Variants in DOK6 observed in about 807,000 individuals in gnomAD.
The protein encoded by DOK6 is docking protein 6.
In DOK6, 22 loss-of-function variants were observed where a neutral mutation model predicts 44.0. That is an observed-to-expected ratio of 0.50 (90% confidence interval 0.36 to 0.71). The LOEUF (loss-of-function observed/expected upper bound fraction) is 0.71. Ranked by LOEUF, DOK6 falls within the 30% of genes least tolerant of loss-of-function variation. DOK6 has a pLI of 0.00. For synonymous variants in DOK6, 166 were observed against 145.5 expected, an observed-to-expected ratio of 1.14 and a Z score of -1.01; for missense variants, 340 against 416.4, an observed-to-expected ratio of 0.82 and a Z score of 1.60.
chr18:69,727,677 C>G (rs1234239650), intron 5 of DOK6, among the ~76,000 whole-genome samples: 1 of 152,166 alleles, frequency 6.6e-6, no homozygotes, highest in East Asian at 1.9e-4. Flanking sequence ...TTTTCACAGA[C>G]AAGGGAGTAA....
intron 3 of DOK6, among the ~76,000 whole-genome samples, chr18:69,652,419 C>G (rs1270369929): frequency 1.3e-5 from 2 of 152,108 alleles, no homozygotes; most frequent in African/African-American, 2.4e-5. Context: ...ATGGGAAAAT[C>G]CCAGGACTGT....
At chr18:69,487,175 ATATGTGTGTGTGTGTGTGTG>A (rs1388735780) in intron 1 of DOK6, among the ~76,000 whole-genome samples, 6 of 102,504 alleles carry the variant, frequency 5.9e-5, no homozygotes, top group African/African-American at 2.1e-4. Context: ...CACTGATAGG[ATATGTGTGTGTGTGTGTGTG>A]TGTGTGTGTG....
chr18:69,450,899 T>C (rs1135378), intron 1 of DOK6, among the ~76,000 whole-genome samples: 23 of 149,422 alleles, frequency 1.5e-4, no homozygotes, highest in African/African-American at 5.7e-4. Flanking sequence ...CTAAAAGAGC[T>C]CCTGAAAGAA....
intron 5 of DOK6, among the ~76,000 whole-genome samples, chr18:69,717,471 T>G (rs2144720596): frequency 6.6e-6 from 1 of 152,358 alleles, no homozygotes; most frequent in Non-Finnish European, 1.5e-5. Context: ...TATTATTATT[T>G]AAGCATGATG....
At chr18:69,503,866 G>A (rs193202988) in intron 1 of DOK6, among the ~76,000 whole-genome samples, 160 of 151,964 alleles carry the variant, frequency 1.1e-3, no homozygotes, top group African/African-American at 3.6e-3. Context: ...ATTATTCTCT[G>A]GAACAATAGA....
chr18:69,486,730 T>A (rs1012681817), intron 1 of DOK6, among the ~76,000 whole-genome samples: 2 of 152,172 alleles, frequency 1.3e-5, no homozygotes, highest in African/African-American at 4.8e-5. Flanking sequence ...TCTGGGCTAG[T>A]TTTTTATTCA....
intron 1 of DOK6, among the ~76,000 whole-genome samples, chr18:69,432,887 G>GC (rs34963644): frequency 2.0e-5 from 3 of 152,076 alleles, no homozygotes; most frequent in Non-Finnish European, 4.4e-5. Flanking sequence ...CTAAGGAGTT[G>GC]CCCCCTAGGA....
At chr18:69,421,611 T>C (rs1978494649) in intron 1 of DOK6, among the ~76,000 whole-genome samples, 1 of 152,182 alleles carries the variant, frequency 6.6e-6, no homozygotes, top group South Asian at 2.1e-4. Context: ...TTTGCCACAA[T>C]GAAGGAGTAT....
At chr18:69,551,472 A>G (rs1218421293) in intron 1 of DOK6, among the ~76,000 whole-genome samples, 1 of 152,236 alleles carries the variant, frequency 6.6e-6, no homozygotes, top group Non-Finnish European at 1.5e-5. Flanking sequence ...GTAGTCATAA[A>G]TCATTGACTT....
At chr18:69,749,940 CAA>C (rs554880939) in intron 6 of DOK6, among the ~76,000 whole-genome samples, 13,723 of 104,782 alleles carry the variant, frequency 0.13, 649 homozygotes, top group Middle Eastern at 0.21. Flanking sequence ...GAGACTCCAT[CAA>C]AAAAAAAAAA....
chr18:69,532,582 C>T (rs1010599395), intron 1 of DOK6, among the ~76,000 whole-genome samples: 5 of 152,238 alleles, frequency 3.3e-5, no homozygotes, highest in East Asian at 3.9e-4. Context: ...TTATGGAAGG[C>T]AGGTGTGGTG....
intron 1 of DOK6, among the ~76,000 whole-genome samples, chr18:69,563,183 A>C (rs1220274691): frequency 6.6e-6 from 1 of 152,134 alleles, no homozygotes; most frequent in African/African-American, 2.4e-5. Context: ...AGAAATAGGA[A>C]CACTTTTACA....
intron 2 of DOK6, among the ~76,000 whole-genome samples, chr18:69,577,467 A>T (rs928678225): frequency 2.6e-5 from 4 of 152,154 alleles, no homozygotes; most frequent in African/African-American, 9.7e-5. Context: ...AGAGGTCTCA[A>T]TTTCTTGAAC....
intron 3 of DOK6, among the ~76,000 whole-genome samples, chr18:69,664,801 CAGCT>C (rs1441590647): frequency 6.6e-6 from 1 of 152,214 alleles, no homozygotes; most frequent in Non-Finnish European, 1.5e-5. Context: ...CCAAAAGCAG[CAGCT>C]CTAAATCCAG....
chr18:69,565,992 T>A (rs1291503278), intron 2 of DOK6, among the ~76,000 whole-genome samples: 5 of 152,162 alleles, frequency 3.3e-5, no homozygotes, highest in African/African-American at 1.2e-4. Context: ...TGATATTTAG[T>A]TTGTAAGTAA....
chr18:69,432,003 C>A (rs1269495841), intron 1 of DOK6, among the ~76,000 whole-genome samples: 1 of 145,770 alleles, frequency 6.9e-6, no homozygotes, highest in Non-Finnish European at 1.5e-5. Flanking sequence ...TAAAAAACTG[C>A]AGCTTAACCA....
Position 69,401,279 on chromosome 18 carries a change from G to T in DOK6, c.35G>T (p.Gly12Val). 1 of 1,585,562 alleles carries T rather than the reference G, an allele frequency of 6.3e-7. No individual in the cohort carries two copies. The highest frequency in any genetic ancestry group is 8.6e-7 in the Non-Finnish European group (1 of 1,166,580). Residue 12 changes from glycine (G) to valine (V), a missense_variant, in exon 1 of 8, where the codon GGC (glycine) becomes GTC (valine). By Grantham distance (109) the Gly-to-Val change is moderately radical (BLOSUM62 -3). Around this residue, in one of 3 missense-constraint regions of DOK6, gnomAD observed 206 missense variants for 258.6 expected, o/e 0.80. Transcript: ENST00000382713. ...AACTTTAACGACATAGTCAAGCAGG[G>T]CTACGTGAAAATCCGCAGCAGGAAG... ...ASNFNDIVKQ[G>V]YVKIRSRKLG...
chr18:69,599,730 G>A (rs1037270175), intron 3 of DOK6, among the ~76,000 whole-genome samples: 7 of 152,186 alleles, frequency 4.6e-5, no homozygotes, highest in African/African-American at 1.2e-4. Flanking sequence ...TGAGGTTTCC[G>A]TTCAAGCTTT....
At chr18:69,470,051 T>A (rs935578005) in intron 1 of DOK6, 2 of 163,418 alleles carry the variant, frequency 1.2e-5, no homozygotes, top group Non-Finnish European at 2.7e-5. Context: ...CAGGGGAAAT[T>A]GATTTTGAAA....
Sources: gnomAD v4.1 joint callset for allele counts (sites outside exome capture counted in the v4.1 genomes callset) on GRCh38, gnomAD v4.1.1 for gene constraint, gnomAD v4.1.1 regional missense constraint, MANE v1.5 for transcripts, NCBI Gene and HGNC (gene_info 2026-07-23, HGNC 2026-07-21) for gene names.